Variants in ABCC4 observed in about 807,000 individuals in gnomAD.
The protein encoded by ABCC4 is ATP binding cassette subfamily C member 4 (PEL blood group), also known as ATP-binding cassette sub-family C member 4.
A neutral mutation model predicts 168.5 loss-of-function variants in ABCC4; 102 were observed. That is an observed-to-expected ratio of 0.61 (90% CI 0.52 to 0.71). The LOEUF is 0.71. ABCC4 is among the 30% of genes least tolerant of loss of function. The pLI is 0.00. For synonymous variants in ABCC4, 617 were observed against 590.7 expected, an observed-to-expected ratio of 1.04 and a Z score of -0.65; for missense variants, 1,402 against 1,605.8, an observed-to-expected ratio of 0.87 and a Z score of 2.17.
At chr13:95,215,546 T>C (rs2039086492) in intron 4 of ABCC4, among the ~76,000 whole-genome samples, 1 of 152,218 alleles carries the variant, frequency 6.6e-6, no homozygotes, top group Admixed American at 6.5e-5. Context: ...AATAGAATTT[T>C]ACTGTTGCAT....
intron 4 of ABCC4, among the ~76,000 whole-genome samples, chr13:95,212,738 T>G (rs1408402832): frequency 6.6e-6 from 1 of 152,022 alleles, no homozygotes; most frequent in Non-Finnish European, 1.5e-5. Context: ...GAACGATAAC[T>G]CTACAGTCAA....
At chr13:95,056,570 G>A (rs1464480732) in intron 26 of ABCC4, among the ~76,000 whole-genome samples, 1 of 151,374 alleles carries the variant, frequency 6.6e-6, no homozygotes, top group Non-Finnish European at 1.5e-5. Context: ...ACTGCATTAG[G>A]CCAGAATCCA....
chr13:95,043,059 C>T (rs2032427219), intron 29 of ABCC4, among the ~76,000 whole-genome samples: 1 of 152,150 alleles, frequency 6.6e-6, no homozygotes. Context: ...CATGAGCCAC[C>T]GTGCCTGGCC....
rs566791203 is a variant in ABCC4, at chr13:95,281,575, G to A, written c.74+19666C>T. 3.9e-5 allele frequency among the ~76,000 whole-genome samples: 6 copies of A among 152,240 alleles called. No individual in the cohort carries two copies. In the East Asian group the frequency reaches 1.2e-3, roughly 29 times the overall value. ...TATGAAGATTGGTTCCACATCTGAAGAATTTTAGTAATCTTACCCAAACTC... is the reference window on the plus strand; with the variant it reads ...TATGAAGATTGGTTCCACATCTGAAAAATTTTAGTAATCTTACCCAAACTC... On this transcript the variant is annotated intron_variant, in intron 1 of 30. Coordinates refer to ENST00000645237, the MANE Select transcript of ABCC4 (RefSeq NM_005845.5).
chr13:95,186,654 G>C lies in ABCC4; in HGVS notation c.1545+47C>G, dbSNP rs190985097. On this transcript the variant is annotated intron_variant, in intron 11 of 30. Transcript: ENST00000645237. ...AACCTTGTTGTTCAAGTGAACACTA[G>C]TATTACTGGACATTCGAGTACATGA... The C allele has an allele frequency of 1.6e-5, 24 of 1,544,540 alleles. No homozygotes were observed. The East Asian group carries it at 2.7e-4, about 17-fold the overall frequency.
intron 19 of ABCC4, among the ~76,000 whole-genome samples, chr13:95,137,118 C>G (rs1017718929): frequency 6.6e-6 from 1 of 152,214 alleles, no homozygotes; most frequent in African/African-American, 2.4e-5. Flanking sequence ...CGGATCCACC[C>G]CAGCTCCCAG....
At chr13:95,291,503 C>G (rs1488499753) in intron 1 of ABCC4, among the ~76,000 whole-genome samples, 1 of 152,176 alleles carries the variant, frequency 6.6e-6, no homozygotes, top group African/African-American at 2.4e-5. Context: ...AGTGGATCTG[C>G]CACAACCTAG....
intron 25 of ABCC4, among the ~76,000 whole-genome samples, chr13:95,068,507 T>A (rs1189454): frequency 2.0e-5 from 3 of 152,092 alleles, no homozygotes; most frequent in African/African-American, 7.2e-5. Context: ...TGCCTGTAAT[T>A]GCAGCTACTC....
At chr13:95,239,536 T>C (rs2039873710) in intron 3 of ABCC4, among the ~76,000 whole-genome samples, 1 of 152,104 alleles carries the variant, frequency 6.6e-6, no homozygotes, top group Non-Finnish European at 1.5e-5. Flanking sequence ...AGACTAATAG[T>C]ATACATTCAA....
intron 10 of ABCC4, 75 bp downstream of exon 10, chr13:95,188,378 G>T: frequency 1.5e-6 from 2 of 1,334,774 alleles, no homozygotes; most frequent in South Asian, 1.2e-5. Flanking sequence ...GTTACACGTA[G>T]CCTTGGGCTC....
At chr13:95,223,781 C>A (rs2039373256) in intron 4 of ABCC4, among the ~76,000 whole-genome samples, 1 of 152,154 alleles carries the variant, frequency 6.6e-6, no homozygotes, top group African/African-American at 2.4e-5. Context: ...GGATTACATG[C>A]CACCGTGCCT....
intron 20 of ABCC4, among the ~76,000 whole-genome samples, chr13:95,090,382 C>A (rs2139348904): frequency 6.6e-6 from 1 of 152,316 alleles, no homozygotes; most frequent in South Asian, 2.1e-4. Flanking sequence ...CCGACCACCT[C>A]CACCGGAACA....
At chr13:95,088,921 A>T (rs923822118) in intron 20 of ABCC4, among the ~76,000 whole-genome samples, 28 of 152,046 alleles carry the variant, frequency 1.8e-4, no homozygotes, top group Admixed American at 1.4e-3. Context: ...CTCATTATAT[A>T]AAAAAACTGA....
At chr13:95,151,975 C>T (rs2036704175) in intron 19 of ABCC4, among the ~76,000 whole-genome samples, 1 of 152,160 alleles carries the variant, frequency 6.6e-6, no homozygotes, top group African/African-American at 2.4e-5. Flanking sequence ...TTCTTAAGGG[C>T]ATGAAGTTTA....
intron 30 of ABCC4, among the ~76,000 whole-genome samples, chr13:95,033,359 A>G (rs535880419): frequency 5.3e-5 from 8 of 152,170 alleles, no homozygotes; most frequent in Non-Finnish European, 1.0e-4. Context: ...ATGTACTGCT[A>G]GAAGTCTCCT....
chr13:95,073,614 A>G (rs974805810), intron 23 of ABCC4: 1 of 216,022 alleles, frequency 4.6e-6, no homozygotes, highest in East Asian at 1.1e-4. Context: ...TTCAAAGCTC[A>G]TTACATTATT....
chr13:95,234,638 A>G lies in ABCC4; in HGVS notation c.503T>C (p.Val168Ala), dbSNP rs758582075. ...HVQCAGMRLR[V>A]AMCHMIYRKA... The stretch of plus-strand genomic sequence containing the variant: ...CCGATAAATCATATGGCACATGGCT[A>G]CTCGTAACCTCATCCCAGCACACTG... The change falls in exon 4 of 31, where the codon GTA becomes GCA. Residue 168 changes from valine to alanine, a missense_variant. Coordinates refer to ENST00000645237, the MANE Select transcript of ABCC4 (RefSeq NM_005845.5). The G allele has an allele frequency of 1.2e-6, 2 of 1,613,902 alleles. No individual in the cohort carries two copies. The highest frequency in any genetic ancestry group is 1.7e-6 in the Non-Finnish European group (2 of 1,179,950).
intron 1 of ABCC4, among the ~76,000 whole-genome samples, chr13:95,286,622 C>G (rs1594444636): frequency 6.6e-6 from 1 of 151,986 alleles, no homozygotes; most frequent in Admixed American, 6.6e-5. Context: ...GACCTACTTC[C>G]ATATTCACTT....
chr13:95,271,361 T>G (rs1205753625), intron 1 of ABCC4, among the ~76,000 whole-genome samples: 1 of 152,022 alleles, frequency 6.6e-6, no homozygotes, highest in African/African-American at 2.4e-5. Context: ...CAATGAGATC[T>G]CCAAAGGCAG....
Sources: allele counts gnomAD v4.1 joint callset (sites outside exome capture counted in the v4.1 genomes callset), GRCh38; gene constraint gnomAD v4.1.1; transcripts MANE v1.5; gene names NCBI Gene and HGNC (gene_info 2026-07-23, HGNC 2026-07-21).